ADD1: variants seen among roughly 807,000 people sequenced by gnomAD.
The protein encoded by ADD1 is adducin 1.
A neutral mutation model predicts 80.5 loss-of-function variants in ADD1; 24 were observed. The ratio of observed to expected loss-of-function variants is 0.30; its 90% CI spans 0.22 to 0.42. The LOEUF is 0.42. Ranked by LOEUF, ADD1 falls within the 10% of genes least tolerant of loss-of-function variation. The pLI, the probability that ADD1 is intolerant of heterozygous loss-of-function variation, is 1.00. For synonymous variants in ADD1, 373 were observed against 393.8 expected, an observed-to-expected ratio of 0.95 and a Z score of 0.63; for missense variants, 948 against 1,019.0, an observed-to-expected ratio of 0.93 and a Z score of 0.95.
At chr4:2,882,121 T>C (rs1021888613) in intron 3 of ADD1, 61 bp downstream of exon 3, 1 of 1,463,106 alleles carries the variant, frequency 6.8e-7, no homozygotes, top group African/African-American at 1.4e-5. Flanking sequence ...TTCCTGAAGA[T>C]TGCTCATGTG....
At chr4:2,920,710 A>C (rs1236397099) in intron 14 of ADD1, among the ~76,000 whole-genome samples, 1 of 90,848 alleles carries the variant, frequency 1.1e-5, no homozygotes, top group African/African-American at 4.3e-5. Flanking sequence ...CTATCCCTTT[A>C]TTTTGAGCCA....
In ADD1 at chr4:2,928,645, C is replaced by T. The variant is rs534665742; in HGVS notation, c.*122C>T. 5.5e-6 allele frequency: 6 copies of T among 1,098,902 alleles called. No homozygotes were observed. The African/African-American group carries it at 9.6e-5, about 18-fold the overall frequency. The allele number at this position is 1,098,902 out of a possible 1,614,324, so 68.1% of individuals were successfully genotyped here. A position where few individuals can be genotyped will look rare whatever the true frequency, so the allele number is the denominator to read the frequency against. ...AAAGCCAAGCCCTCCGCCTAGAGGT[C>T]CCCTCACGTGACCAGCCCCGTGTAG... is the stretch of plus-strand genomic sequence containing the variant. On this transcript the variant is annotated 3_prime_UTR_variant, in exon 16 of 16. Transcript: ENST00000683351.
intron 13 of ADD1, among the ~76,000 whole-genome samples, chr4:2,913,359 T>G (rs879659541): frequency 6.6e-6 from 1 of 152,098 alleles, no homozygotes; most frequent in African/African-American, 2.4e-5. Flanking sequence ...AGCTCCTCCT[T>G]CAGATAGTGA....
Position 2,926,107 on chromosome 4 carries a change from A to T in ADD1, c.2042A>T (p.Glu681Val). The T allele has an allele frequency of 6.2e-7, 1 of 1,613,878 alleles. No homozygotes were observed. The highest frequency in any genetic ancestry group is 8.5e-7 in the Non-Finnish European group (1 of 1,179,842). ...CCTCCCAGCACTCCCATCAAGCTGG[A>T]GGAAGGTGAGCTCTGGGTGGCAGCG... ...HPPPSTPIKL[E>V]EDLVPEPTTG... Residue 681 changes from glutamate to valine, a missense_variant, in exon 15 of 16, where the codon GAG (glutamate) becomes GTG (valine). Glu to Val is a moderately radical substitution (Grantham distance 121, BLOSUM62 -2). Coordinates refer to ENST00000683351, the MANE Select transcript of ADD1 (RefSeq NM_001354761.2). This position sits in a 1 kb window ranked among gnomAD's most constrained non-coding sequence, Gnocchi z 5.0.
chr4:2,866,030 G>A (rs1166020695), intron 1 of ADD1, among the ~76,000 whole-genome samples: 1 of 152,172 alleles, frequency 6.6e-6, no homozygotes, highest in Non-Finnish European at 1.5e-5. Flanking sequence ...TTGCGAGATA[G>A]CATACTTATA....
Position 2,926,758 on chromosome 4 carries a change from T to C in ADD1, c.2047+646T>C. 6.9e-7 allele frequency: 1 copy of C among 1,455,284 alleles called. No individual in the cohort carries two copies. Among genetic ancestry groups the C allele is most frequent in the South Asian group, 1.2e-5 (1 of 81,468 alleles). The allele number at this position is 1,455,284 out of a possible 1,614,324, so 90.1% of individuals were successfully genotyped here. A position where few individuals can be genotyped will look rare whatever the true frequency, so the allele number is the denominator to read the frequency against. ...TGCTTCTTTGTTGTTTATTAAGTTTTGTTTTCTGTTTATTTAAAATAAAAA... is the reference window on the plus strand; with the variant it reads ...TGCTTCTTTGTTGTTTATTAAGTTTCGTTTTCTGTTTATTTAAAATAAAAA... On this transcript the variant is annotated intron_variant, in intron 15 of 15. Transcript: ENST00000683351. The surrounding 1 kb of genome is among the most constrained non-coding windows in gnomAD (Gnocchi z 5.0).
At chr4:2,914,539 G>A (rs577091645) in intron 13 of ADD1, among the ~76,000 whole-genome samples, 5 of 152,352 alleles carry the variant, frequency 3.3e-5, no homozygotes, top group African/African-American at 1.2e-4. Context: ...AACAGTAACA[G>A]GAAAGGGCCT....
chr4:2,845,751 T>G (rs944609653), intron 1 of ADD1, among the ~76,000 whole-genome samples: 8 of 152,260 alleles, frequency 5.3e-5, no homozygotes, highest in African/African-American at 9.6e-5. Flanking sequence ...CCATAAAAAC[T>G]GTTTATTTAC....
intron 1 of ADD1, among the ~76,000 whole-genome samples, chr4:2,846,507 T>A (rs1260657427): frequency 6.6e-6 from 1 of 152,220 alleles, no homozygotes; most frequent in Non-Finnish European, 1.5e-5. Flanking sequence ...ATATTTGAAT[T>A]CTATAACTTC....
chr4:2,909,469 C>G, intron 13 of ADD1, 38 bp downstream of exon 13: 1 of 1,482,372 alleles, frequency 6.7e-7, no homozygotes, highest in South Asian at 1.2e-5. Context: ...GTCTATGCGC[C>G]TTGCTCCCCT....
chr4:2,866,811 C>G (rs1164777290), intron 1 of ADD1, among the ~76,000 whole-genome samples: 2 of 152,192 alleles, frequency 1.3e-5, no homozygotes, highest in Non-Finnish European at 2.9e-5. Context: ...GCCAGCACAC[C>G]TGTAATCCCA....
rs1711679187 is a variant in ADD1 at position 2,926,566 on chromosome 4, G to A, written c.2047+454G>A. On this transcript the variant is annotated intron_variant, in intron 15 of 15. Transcript: ENST00000683351. This position sits in a 1 kb window ranked among gnomAD's most constrained non-coding sequence, Gnocchi z 5.0. ...CCCGTGGCCCTGCCTTTCTTCTTCTGTAACCTGATGGCTGTGACTGAATGC... is the reference window on the plus strand; with the variant it reads ...CCCGTGGCCCTGCCTTTCTTCTTCTATAACCTGATGGCTGTGACTGAATGC... 4 of 1,552,384 alleles carry A rather than the reference G, an allele frequency of 2.6e-6. No individual in the cohort carries two copies. In the East Asian group the frequency reaches 9.2e-5, roughly 36 times the overall value.
chr4:2,915,477 A>G (rs184926836), intron 14 of ADD1, among the ~76,000 whole-genome samples: 76 of 152,238 alleles, frequency 5.0e-4, no homozygotes, highest in African/African-American at 1.8e-3. Flanking sequence ...CGTCTCTAGG[A>G]AAATAGAAAA....
intron 1 of ADD1, among the ~76,000 whole-genome samples, chr4:2,852,193 T>TCTTTCTTC (rs1560138273): frequency 1.3e-5 from 1 of 78,262 alleles, no homozygotes; most frequent in Non-Finnish European, 2.9e-5. Context: ...TTTCTTTCTT[T>TCTTTCTTC]CTTTCCTTTC....
At chr4:2,894,114 G>T (rs756692793) in intron 5 of ADD1, 21 bp downstream of exon 5, 1 of 1,598,506 alleles carries the variant, frequency 6.3e-7, no homozygotes. Context: ...CCTTCTCTTT[G>T]GCAGCTTGTA....
At chr4:2,886,314 C>T (rs536474868) in intron 4 of ADD1, among the ~76,000 whole-genome samples, 3 of 152,266 alleles carry the variant, frequency 2.0e-5, no homozygotes, top group African/African-American at 7.2e-5. Context: ...CTTGAGGTGA[C>T]GGTCTGGAGC....
chr4:2,848,264 A>G (rs1249926724), intron 1 of ADD1, among the ~76,000 whole-genome samples: 1 of 152,134 alleles, frequency 6.6e-6, no homozygotes, highest in Non-Finnish European at 1.5e-5. Context: ...AAACTTTAAT[A>G]GAGTTGTTTA....
intron 2 of ADD1, 103 bp downstream of exon 2, chr4:2,876,213 C>T (rs918460063): frequency 2.8e-5 from 32 of 1,140,846 alleles, no homozygotes; most frequent in African/African-American, 4.7e-5. Context: ...TTGATCTTAT[C>T]ACAGGAAATC....
intron 1 of ADD1, among the ~76,000 whole-genome samples, chr4:2,850,113 T>A (rs1390076330): frequency 6.6e-6 from 1 of 152,176 alleles, no homozygotes; most frequent in African/African-American, 2.4e-5. Context: ...GTTCATACGA[T>A]GGAATAGTAG....
Sources: gnomAD v4.1 joint callset for allele counts (sites outside exome capture counted in the v4.1 genomes callset) on GRCh38, gnomAD v4.1.1 for gene constraint, Gnocchi (gnomAD v3.1) non-coding constraint, MANE v1.5 for transcripts, NCBI Gene and HGNC (gene_info 2026-07-23, HGNC 2026-07-21) for gene names.